Variants in PCSK6 observed in about 807,000 individuals in gnomAD.
PCSK6 encodes the protein proprotein convertase subtilisin/kexin type 6.
A neutral mutation model predicts 123.3 loss-of-function variants in PCSK6; 85 were observed. The ratio of observed to expected loss-of-function variants is 0.69; its 90% CI spans 0.58 to 0.83. The LOEUF (loss-of-function observed/expected upper bound fraction) is 0.83. Among genes scored for constraint, PCSK6 ranks in the 40% least tolerant of loss-of-function variants. The pLI is 0.00. For synonymous variants in PCSK6, 508 were observed against 516.0 expected (o/e 0.98, Z 0.21); for missense variants, 1,191 against 1,282.3 (o/e 0.93, Z 1.09).
chr15:101,430,130 A>G, intron 4 of PCSK6, 67 bp from the exon 5 acceptor site: 2 of 1,321,522 alleles, frequency 1.5e-6, no homozygotes, highest in Non-Finnish European at 2.2e-6. Flanking sequence ...AATGGATTTT[A>G]TGTTCCGTTG....
At chr15:101,468,035 T>C (rs1265236934) in intron 1 of PCSK6, among the ~76,000 whole-genome samples, 1 of 152,206 alleles carries the variant, frequency 6.6e-6, no homozygotes, top group Non-Finnish European at 1.5e-5. Flanking sequence ...TTTATATGTG[T>C]CAAATAATAG....
intron 20 of PCSK6, among the ~76,000 whole-genome samples, chr15:101,311,285 A>ATTTTTTTTT: frequency 8.7e-6 from 1 of 114,956 alleles, no homozygotes; most frequent in Non-Finnish European, 1.9e-5. Flanking sequence ...TAATTTTTGC[A>ATTTTTTTTT]TTTTTTTTTT....
chr15:101,456,644 A>T (rs2057190351), intron 1 of PCSK6, among the ~76,000 whole-genome samples: 1 of 152,206 alleles, frequency 6.6e-6, no homozygotes, highest in Non-Finnish European at 1.5e-5. Flanking sequence ...AGAGGGCATA[A>T]CAAGGAACGG....
At chr15:101,406,496 TTTTG>T (rs2042785942) in intron 6 of PCSK6, among the ~76,000 whole-genome samples, 1 of 152,162 alleles carries the variant, frequency 6.6e-6, no homozygotes, top group South Asian at 2.1e-4. Flanking sequence ...GAGAATTATG[TTTTG>T]TTTTTGTTTT....
At chr15:101,402,474 T>C (rs1026438137) in intron 6 of PCSK6, among the ~76,000 whole-genome samples, 3 of 151,832 alleles carry the variant, frequency 2.0e-5, no homozygotes, top group Admixed American at 2.0e-4. Context: ...ACCATCAGAG[T>C]GAACAGGCAA....
chr15:101,311,267 CG>C (rs2039855540), intron 20 of PCSK6, among the ~76,000 whole-genome samples: 1 of 150,878 alleles, frequency 6.6e-6, no homozygotes, highest in Non-Finnish European at 1.5e-5. Flanking sequence ...CACACTACCA[CG>C]TCCAACTAAT....
At chr15:101,336,136 C>T (rs2040471740) in intron 13 of PCSK6, among the ~76,000 whole-genome samples, 1 of 152,182 alleles carries the variant, frequency 6.6e-6, no homozygotes, top group Non-Finnish European at 1.5e-5. Flanking sequence ...TTGAGGTGAG[C>T]AGAGCAAGGG....
chr15:101,323,549 G>A, intron 17 of PCSK6, among the ~76,000 whole-genome samples: 1 of 152,140 alleles, frequency 6.6e-6, no homozygotes, highest in African/African-American at 2.4e-5. Context: ...TGACCAACAT[G>A]GTGAAACCCC....
rs755754982 is a variant in PCSK6, at chr15:101,393,386, A to G, written c.1035T>C (p.Ser345=). The G allele has an allele frequency of 4.4e-6, 7 of 1,603,924 alleles. No homozygotes were observed. Among genetic ancestry groups the G allele is most frequent in the Non-Finnish European group, 6.0e-6 (7 of 1,175,554 alleles). The change falls in exon 8 of 22, where the codon TCT becomes TCC. Residue 345 remains serine (S), a synonymous_variant. Transcript: ENST00000611716. ...QGLGSIFVWA[S]GNGGREGDYC... ...AGTCCCCCTCTCTCCCGCCATTCCC[A>G]GATGCCCAGACGAAAATGGAGCCCA... is the stretch of plus-strand genomic sequence containing the variant.
intron 1 of PCSK6, among the ~76,000 whole-genome samples, chr15:101,464,296 G>C (rs750356352): frequency 2.0e-5 from 3 of 152,184 alleles, no homozygotes; most frequent in Non-Finnish European, 4.4e-5. Context: ...TGTGGGGGCA[G>C]GAGCCTGGGA....
At chr15:101,418,589 T>C (rs1158187064) in intron 6 of PCSK6, among the ~76,000 whole-genome samples, 1 of 151,676 alleles carries the variant, frequency 6.6e-6, no homozygotes, top group African/African-American at 2.4e-5. Flanking sequence ...CTCGACTCAC[T>C]GCAGCCTTTG....
intron 2 of PCSK6, among the ~76,000 whole-genome samples, chr15:101,433,661 A>T (rs1237679562): frequency 1.3e-5 from 2 of 152,260 alleles, no homozygotes; most frequent in African/African-American, 4.8e-5. Flanking sequence ...CTGGCGACCC[A>T]GGGTCGTGCT....
At chr15:101,358,024 T>A (rs1300681379) in intron 13 of PCSK6, among the ~76,000 whole-genome samples, 3 of 151,780 alleles carry the variant, frequency 2.0e-5, no homozygotes, top group East Asian at 1.9e-4. Flanking sequence ...AGGAGGGGAG[T>A]TAGGGCAGGT....
At chr15:101,449,885 G>A (rs138812157) in intron 1 of PCSK6, among the ~76,000 whole-genome samples, 30 of 152,246 alleles carry the variant, frequency 2.0e-4, no homozygotes, top group African/African-American at 7.0e-4. Flanking sequence ...CGCCTAAGGG[G>A]GTCCCAAGCA....
chr15:101,407,084 G>A (rs1310079179), intron 6 of PCSK6, among the ~76,000 whole-genome samples: 2 of 152,022 alleles, frequency 1.3e-5, no homozygotes, highest in East Asian at 3.9e-4. Context: ...CGTGACCAGC[G>A]TGGGAGGCTG....
At chr15:101,431,884 G>C (rs577015859) in intron 3 of PCSK6, 106 bp downstream of exon 3, 1 of 808,752 alleles carries the variant, frequency 1.2e-6, no homozygotes, top group Admixed American at 2.0e-5. Flanking sequence ...AAGTGTGTCT[G>C]TCTGGAGATG....
At chr15:101,453,620 G>C (rs2057094727) in intron 1 of PCSK6, among the ~76,000 whole-genome samples, 1 of 152,204 alleles carries the variant, frequency 6.6e-6, no homozygotes, top group Non-Finnish European at 1.5e-5. Flanking sequence ...GCAACTCATT[G>C]TACATGTTAC....
At chr15:101,465,544 A>G (rs8043205) in intron 1 of PCSK6, among the ~76,000 whole-genome samples, 117,005 of 152,078 alleles carry the variant, frequency 0.77, 45,373 homozygotes, top group Non-Finnish European at 0.82. Context: ...TTAGAAGAGG[A>G]CAGAGGGGCC....
Position 101,313,726 on chromosome 15 carries a change from G to A in PCSK6, c.2570-221C>T, listed in dbSNP as rs2039925657. 8 of 578,336 alleles carry A rather than the reference G, an allele frequency of 1.4e-5. No individual in the cohort carries two copies. The South Asian group carries it at 1.6e-4, about 11-fold the overall frequency. The allele number at this position is 578,336 out of a possible 1,614,324, so 35.8% of individuals were successfully genotyped here. Reference sequence around the variant, plus strand: ...TTCACAGACGGGGACATCGAGGCATGAGATGATCTCAGAGGGAGCACACCT... The same window carrying A: ...TTCACAGACGGGGACATCGAGGCATAAGATGATCTCAGAGGGAGCACACCT... On this transcript the variant is annotated intron_variant, in intron 19 of 21. Coordinates refer to ENST00000611716, the MANE Select transcript of PCSK6 (RefSeq NM_002570.5).
Sources: allele counts gnomAD v4.1 joint callset (sites outside exome capture counted in the v4.1 genomes callset), GRCh38; gene constraint gnomAD v4.1.1; transcripts MANE v1.5; gene names NCBI Gene and HGNC (gene_info 2026-07-23, HGNC 2026-07-21).